Variants in GLIS3 observed in about 807,000 individuals in gnomAD.
GLIS3 encodes zinc finger protein GLIS3.
Under a neutral mutation model 78.6 loss-of-function variants are expected in GLIS3, and 53 were observed. The ratio of observed to expected loss-of-function variants is 0.67; its 90% CI spans 0.54 to 0.85. The LOEUF is 0.85. Ranked by LOEUF, GLIS3 falls within the 40% of genes least tolerant of loss-of-function variation. The pLI is 0.00. For missense variants in GLIS3, 1,703 were observed against 1,231.1 expected (o/e 1.38, Z -5.74); for synonymous variants, 684 against 509.9 (o/e 1.34, Z -4.60).
intron 2 of GLIS3, among the ~76,000 whole-genome samples, chr9:4,221,531 G>A (rs1226522265): frequency 1.3e-5 from 2 of 152,110 alleles, no homozygotes; most frequent in African/African-American, 4.8e-5. Flanking sequence ...AATTAGTGAA[G>A]CAAGAGGCTT....
At chr9:3,924,113 C>T (rs776375686) in intron 6 of GLIS3, among the ~76,000 whole-genome samples, 2 of 152,160 alleles carry the variant, frequency 1.3e-5, no homozygotes, top group Admixed American at 6.5e-5. Context: ...CCTCTAGCTT[C>T]GATTCCAGCT....
At chr9:4,006,171 T>A (rs1180074008) in intron 4 of GLIS3, among the ~76,000 whole-genome samples, 1 of 152,018 alleles carries the variant, frequency 6.6e-6, no homozygotes, top group African/African-American at 2.4e-5. Flanking sequence ...CCTGCCTGGA[T>A]CTCTAATGTT....
chr9:4,169,888 A>G (rs1418214919), intron 2 of GLIS3, among the ~76,000 whole-genome samples: 1 of 152,202 alleles, frequency 6.6e-6, no homozygotes, highest in Admixed American at 6.5e-5. Context: ...AATATAATAA[A>G]GGATAGGAAT....
chr9:4,312,710 C>T (rs1817384025), intron 2 of GLIS3, among the ~76,000 whole-genome samples: 1 of 152,198 alleles, frequency 6.6e-6, no homozygotes, highest in Admixed American at 6.5e-5. Flanking sequence ...TGGCTCTGCT[C>T]ACTTCGTTGT....
intron 4 of GLIS3, among the ~76,000 whole-genome samples, chr9:3,958,546 C>A (rs1467466577): frequency 6.6e-6 from 1 of 152,188 alleles, no homozygotes; most frequent in African/African-American, 2.4e-5. Context: ...GGCTTCCATT[C>A]TTAAGTGCAG....
intron 2 of GLIS3, among the ~76,000 whole-genome samples, chr9:4,311,270 G>C (rs1334480566): frequency 6.6e-6 from 1 of 152,126 alleles, no homozygotes; most frequent in Non-Finnish European, 1.5e-5. Context: ...TTATCCGGGC[G>C]TGGTGGCACA....
chr9:3,922,022 T>C (rs1824924453), intron 6 of GLIS3, among the ~76,000 whole-genome samples: 1 of 152,140 alleles, frequency 6.6e-6, no homozygotes, highest in Non-Finnish European at 1.5e-5. Context: ...AACAAACTGT[T>C]ACAAATTTTG....
At chr9:3,969,056 T>C (rs573511598) in intron 4 of GLIS3, among the ~76,000 whole-genome samples, 1 of 152,330 alleles carries the variant, frequency 6.6e-6, no homozygotes, top group South Asian at 2.1e-4. Flanking sequence ...CTTGTCCGTG[T>C]TTGAGTCACA....
At chr9:3,842,648 C>T (rs904928630) in intron 9 of GLIS3, among the ~76,000 whole-genome samples, 1 of 152,200 alleles carries the variant, frequency 6.6e-6, no homozygotes, top group Non-Finnish European at 1.5e-5. Context: ...GGGGCATCAG[C>T]TCCACCTTGG....
chr9:3,998,640 T>C (rs1820908740), intron 4 of GLIS3, among the ~76,000 whole-genome samples: 1 of 151,678 alleles, frequency 6.6e-6, no homozygotes, highest in South Asian at 2.1e-4. Context: ...TGTGAATTAA[T>C]TAATTGCTCT....
chr9:3,966,622 C>A (rs1380641567), intron 4 of GLIS3, among the ~76,000 whole-genome samples: 1 of 151,860 alleles, frequency 6.6e-6, no homozygotes, highest in Non-Finnish European at 1.5e-5. Context: ...TGGTGAAACC[C>A]TGTCTCTACT....
the GLIS3 span, among the ~76,000 whole-genome samples, chr9:4,355,113 C>T: frequency 1.4e-5 from 2 of 147,828 alleles, no homozygotes; most frequent in Non-Finnish European, 3.0e-5. Context: ...GCCTGGGCGA[C>T]AGAGCGAGAC....
intron 4 of GLIS3, among the ~76,000 whole-genome samples, chr9:4,115,305 G>T (rs1031351172): frequency 6.6e-6 from 1 of 152,180 alleles, no homozygotes; most frequent in African/African-American, 2.4e-5. Context: ...GCCCTGCAGT[G>T]TATGACACAG....
rs1342750608 is a variant in GLIS3, at chr9:3,856,173, G to C, written c.2309C>G (p.Ser770Cys). Residue 770 changes from serine (S) to cysteine (C), a missense_variant, in exon 9 of 11, where the codon TCT becomes TGT. By Grantham distance (112) the Ser-to-Cys change is moderately radical. Coordinates refer to ENST00000381971, the MANE Select transcript of GLIS3 (RefSeq NM_001042413.2). ...VDAGAERFAP[S>C]APSPHHISPR... is the part of the protein sequence containing the mutation. ...GCTGATGTGGTGAGGAGATGGAGCA[G>C]AAGGTGCAAACCTGAGAAAACAATT... The C allele has an allele frequency of 6.2e-7, 1 of 1,613,798 alleles. No individual in the cohort carries two copies. Among genetic ancestry groups the C allele is most frequent in the Non-Finnish European group, 8.5e-7 (1 of 1,179,930 alleles).
the GLIS3 span, among the ~76,000 whole-genome samples, chr9:4,383,870 GA>G: frequency 6.6e-6 from 1 of 152,308 alleles, no homozygotes. Flanking sequence ...TCCAGTAGTT[GA>G]AATGGGCTTC....
intron 2 of GLIS3, among the ~76,000 whole-genome samples, chr9:4,241,157 A>C (rs1343579733): frequency 2.6e-5 from 4 of 152,204 alleles, no homozygotes; most frequent in African/African-American, 9.7e-5. Context: ...TCTGAAATCT[A>C]AAGGTACATT....
intron 2 of GLIS3, among the ~76,000 whole-genome samples, chr9:4,260,951 G>C (rs1305159447): frequency 1.3e-5 from 2 of 152,116 alleles, no homozygotes; most frequent in African/African-American, 4.8e-5. Context: ...ATTGAGATGT[G>C]TATACTAAAG....
intron 4 of GLIS3, among the ~76,000 whole-genome samples, chr9:3,978,610 T>C (rs1012771273): frequency 6.6e-5 from 10 of 152,162 alleles, no homozygotes; most frequent in African/African-American, 2.4e-4. Context: ...TATTTTGCAA[T>C]GTTATGTGTA....
At chr9:3,847,246 A>G (rs1308299234) in intron 9 of GLIS3, among the ~76,000 whole-genome samples, 9 of 152,200 alleles carry the variant, frequency 5.9e-5, no homozygotes, top group Non-Finnish European at 1.5e-5. Flanking sequence ...GGGGCAGAGA[A>G]ACAGGCAGGA....
Sources: gnomAD v4.1 joint callset for allele counts (sites outside exome capture counted in the v4.1 genomes callset) on GRCh38, gnomAD v4.1.1 for gene constraint, MANE v1.5 for transcripts, NCBI Gene and HGNC (gene_info 2026-07-23, HGNC 2026-07-21) for gene names.